The following NEMP2 variants were observed in gnomAD, a reference collection of about 807,000 sequenced individuals.
NEMP2 encodes nuclear envelope integral membrane protein 2, also known as UPF0571 transmembrane protein.
Under a neutral mutation model 54.2 loss-of-function variants are expected in NEMP2, and 53 were observed. The ratio of observed to expected loss-of-function variants is 0.98; its 90% confidence interval spans 0.78 to 1.23. NEMP2 has a LOEUF of 1.23. Among genes scored for constraint, NEMP2 ranks in the 50% most tolerant of loss-of-function variants. The pLI is 0.00. For missense variants in NEMP2, 455 were observed against 511.3 expected (o/e 0.89, Z 1.06); for synonymous variants, 197 against 190.3 (o/e 1.04, Z -0.29).
the NEMP2 span, among the ~76,000 whole-genome samples, chr2:190,552,129 G>A: frequency 6.6e-6 from 1 of 152,160 alleles, no homozygotes; most frequent in African/African-American, 2.4e-5. Flanking sequence ...ACCTACCCAC[G>A]TGTTTCCCAG....
chr2:190,534,351 T>A, intron 1 of NEMP2: 1 of 1,201,502 alleles, frequency 8.3e-7, no homozygotes. Context: ...TTACAAAATG[T>A]CCAACTGCCA....
At chr2:190,588,691 G>A in the NEMP2 span, among the ~76,000 whole-genome samples, 1 of 152,140 alleles carries the variant, frequency 6.6e-6, no homozygotes, top group Non-Finnish European at 1.5e-5. This position sits in a 1 kb window ranked among gnomAD's most constrained non-coding sequence, Gnocchi z 5.0. Flanking sequence ...ATTGATGCTT[G>A]TACTTGCCTG....
chr2:190,563,244 G>A, the NEMP2 span, among the ~76,000 whole-genome samples: 2 of 151,854 alleles, frequency 1.3e-5, no homozygotes, highest in South Asian at 2.1e-4. The surrounding 1 kb of genome is among the most constrained non-coding windows in gnomAD (Gnocchi z 4.3). Flanking sequence ...CCTGCTCCCC[G>A]CTGACTCAGC....
At chr2:190,432,840 ACTCTCT>A in the NEMP2 span, among the ~76,000 whole-genome samples, 18 of 136,958 alleles carry the variant, frequency 1.3e-4, no homozygotes, top group Admixed American at 3.6e-4. Context: ...ACACACACAC[ACTCTCT>A]CTCTCTCTCT....
the NEMP2 span, among the ~76,000 whole-genome samples, chr2:190,586,656 C>T: frequency 1.6e-4 from 24 of 152,082 alleles, no homozygotes; most frequent in Non-Finnish European, 2.9e-4. This position sits in a 1 kb window ranked among gnomAD's most constrained non-coding sequence, Gnocchi z 4.5. Flanking sequence ...GGGAGAGAAA[C>T]ATTCAATACC....
the NEMP2 span, among the ~76,000 whole-genome samples, chr2:190,496,658 A>G: frequency 6.6e-6 from 1 of 151,794 alleles, no homozygotes; most frequent in African/African-American, 2.4e-5. The surrounding 1 kb of genome is among the most constrained non-coding windows in gnomAD (Gnocchi z 4.7). Context: ...ATATGTGTAT[A>G]TGTGTGTGTA....
the NEMP2 span, among the ~76,000 whole-genome samples, chr2:190,431,037 C>G: frequency 6.2e-5 from 7 of 113,490 alleles, no homozygotes; most frequent in Non-Finnish European, 1.3e-4. This position sits in a 1 kb window ranked among gnomAD's most constrained non-coding sequence, Gnocchi z 4.4. Flanking sequence ...GGGTCGCGGC[C>G]GGGCAGAGGC....
the NEMP2 span, among the ~76,000 whole-genome samples, chr2:190,579,931 G>A: frequency 6.6e-6 from 1 of 152,174 alleles, no homozygotes; most frequent in Non-Finnish European, 1.5e-5. Context: ...CATATCCCAG[G>A]TCTCCGTTTG....
chr2:190,643,285 G>A, the NEMP2 span, among the ~76,000 whole-genome samples: 1 of 151,896 alleles, frequency 6.6e-6, no homozygotes, highest in Non-Finnish European at 1.5e-5. Context: ...GAAGTGGAAT[G>A]GGAGTTAGGG....
chr2:190,456,577 G>A, the NEMP2 span, among the ~76,000 whole-genome samples: 1 of 152,200 alleles, frequency 6.6e-6, no homozygotes, highest in Non-Finnish European at 1.5e-5. This position sits in a 1 kb window ranked among gnomAD's most constrained non-coding sequence, Gnocchi z 5.4. Context: ...CCAAGAGGGA[G>A]ACTCTGGACA....
chr2:190,591,673 A>T, the NEMP2 span, among the ~76,000 whole-genome samples: 1 of 152,226 alleles, frequency 6.6e-6, no homozygotes, highest in Non-Finnish European at 1.5e-5. The surrounding 1 kb of genome is among the most constrained non-coding windows in gnomAD (Gnocchi z 5.4). Context: ...CTTCACACAC[A>T]TGCGATAGCT....
At chr2:190,614,975 A>G in the NEMP2 span, among the ~76,000 whole-genome samples, 22 of 152,336 alleles carry the variant, frequency 1.4e-4, no homozygotes, top group East Asian at 3.3e-3. The surrounding 1 kb of genome is among the most constrained non-coding windows in gnomAD (Gnocchi z 5.7). Flanking sequence ...TTACAGTTCC[A>G]AAGAGGTATC....
At chr2:190,575,548 G>T in the NEMP2 span, among the ~76,000 whole-genome samples, 2 of 152,148 alleles carry the variant, frequency 1.3e-5, no homozygotes, top group Non-Finnish European at 1.5e-5. Flanking sequence ...AAATAGATGA[G>T]ATTAAATTAA....
At chr2:190,590,140 CA>C in the NEMP2 span, among the ~76,000 whole-genome samples, 1 of 152,170 alleles carries the variant, frequency 6.6e-6, no homozygotes, top group Non-Finnish European at 1.5e-5. This position sits in a 1 kb window ranked among gnomAD's most constrained non-coding sequence, Gnocchi z 5.1. Context: ...GAACTTCTGC[CA>C]AAAGTTGCAA....
the NEMP2 span, among the ~76,000 whole-genome samples, chr2:190,446,549 A>C: frequency 1.3e-5 from 2 of 152,210 alleles, no homozygotes; most frequent in African/African-American, 4.8e-5. Flanking sequence ...AGTTGGAAAA[A>C]AATTATCTGG....
At chr2:190,491,851 T>G in the NEMP2 span, among the ~76,000 whole-genome samples, 2 of 152,158 alleles carry the variant, frequency 1.3e-5, no homozygotes, top group Admixed American at 1.3e-4. This position sits in a 1 kb window ranked among gnomAD's most constrained non-coding sequence, Gnocchi z 4.2. Context: ...GGTCCATTAT[T>G]AAGTTAATCA....
chr2:190,527,553 T>C lies in NEMP2; in HGVS notation c.98-2175A>G, dbSNP rs376150377. Among the ~76,000 whole-genome samples the C allele has an allele frequency of 1.3e-5, 2 of 152,308 alleles. No individual in the cohort carries two copies. The highest frequency in any genetic ancestry group is 4.8e-5 in the African/African-American group (2 of 41,560). On this transcript the variant is annotated intron_variant, in intron 1 of 8. Transcript: ENST00000409150. The surrounding 1 kb of genome is among the most constrained non-coding windows in gnomAD (Gnocchi z 4.0). ...GATAAAATGCATATGTTTCTAAATATATCAAGAAATTTGCAGAGTTTGAGA... is the reference window on the plus strand; with the variant it reads ...GATAAAATGCATATGTTTCTAAATACATCAAGAAATTTGCAGAGTTTGAGA...
chr2:190,616,111 T>C, the NEMP2 span, among the ~76,000 whole-genome samples: 3 of 152,346 alleles, frequency 2.0e-5, no homozygotes, highest in East Asian at 5.8e-4. This position sits in a 1 kb window ranked among gnomAD's most constrained non-coding sequence, Gnocchi z 5.1. Flanking sequence ...ACTTCAAGAC[T>C]TCACCACCTG....
chr2:190,514,316 C>T lies in NEMP2; in HGVS notation c.953+137G>A. On this transcript the variant is annotated intron_variant, in intron 7 of 8. Transcript: ENST00000409150. This position sits in a 1 kb window ranked among gnomAD's most constrained non-coding sequence, Gnocchi z 5.7. ...ATGCTTGGAGCTCTCTACCCCTACA[C>T]CCCCAATCTTGCTCAGAATGAAATC... 1 of 846,874 alleles carries T rather than the reference C, an allele frequency of 1.2e-6. No homozygotes were observed. The highest frequency in any genetic ancestry group is 1.7e-5 in the African/African-American group (1 of 59,486). 52.5% of individuals were successfully genotyped at this position (846,874 alleles called of 1,614,324 possible).
Sources: allele counts gnomAD v4.1 joint callset (sites outside exome capture counted in the v4.1 genomes callset), GRCh38; gene constraint gnomAD v4.1.1; non-coding constraint Gnocchi (gnomAD v3.1); transcripts MANE v1.5; gene names NCBI Gene and HGNC (gene_info 2026-07-23, HGNC 2026-07-21).